Variants in CNTNAP2 observed in about 807,000 individuals in gnomAD.
CNTNAP2 encodes contactin associated protein 2.
CNTNAP2 carries 98 observed loss-of-function variants against 155.2 expected under a neutral mutation model. The observed-to-expected ratio is 0.63, with a 90% CI of 0.54 to 0.75. The LOEUF (loss-of-function observed/expected upper bound fraction) is 0.75, where lower values mean the gene tolerates loss of function less well. Among genes scored for constraint, CNTNAP2 ranks in the 30% least tolerant of loss-of-function variants. CNTNAP2 has a pLI of 0.00. For missense variants in CNTNAP2, 1,727 were observed against 1,688.1 expected (o/e 1.02, Z -0.40); for synonymous variants, 651 against 631.2 (o/e 1.03, Z -0.47).
chr7:148,024,172 A>AAAC (rs1802335049), intron 15 of CNTNAP2, among the ~76,000 whole-genome samples: 1 of 150,970 alleles, frequency 6.6e-6, no homozygotes, highest in Non-Finnish European at 1.5e-5. Context: ...AAAAAAAAAA[A>AAAC]AAAAAAACTT....
intron 5 of CNTNAP2, 73 bp from the exon 6 acceptor site, chr7:147,120,906 T>C (rs1038131814): frequency 1.8e-5 from 25 of 1,407,906 alleles, no homozygotes; most frequent in Non-Finnish European, 2.4e-5. Flanking sequence ...GTGCTGTAAA[T>C]GAAAGATCTT....
intron 1 of CNTNAP2, among the ~76,000 whole-genome samples, chr7:146,496,159 T>C (rs1797212273): frequency 6.6e-6 from 1 of 152,146 alleles, no homozygotes; most frequent in South Asian, 2.1e-4. Context: ...GAAGAAAACA[T>C]ACAGCCTTCT....
intron 2 of CNTNAP2, among the ~76,000 whole-genome samples, chr7:146,796,474 G>A (rs193262007): frequency 6.6e-6 from 1 of 152,240 alleles, no homozygotes. Flanking sequence ...TTTTTTGTCA[G>A]CTTCTCCTGG....
intron 4 of CNTNAP2, among the ~76,000 whole-genome samples, chr7:147,102,966 C>G (rs892213249): frequency 2.6e-5 from 4 of 152,164 alleles, no homozygotes; most frequent in Admixed American, 6.5e-5. Context: ...GTCTTTTCAT[C>G]TGACTATTGA....
chr7:148,187,939 C>T (rs945198040), intron 18 of CNTNAP2, among the ~76,000 whole-genome samples: 1 of 152,036 alleles, frequency 6.6e-6, no homozygotes, highest in African/African-American at 2.4e-5. Flanking sequence ...CCCAACTTCA[C>T]CCCCTACCCA....
intron 18 of CNTNAP2, among the ~76,000 whole-genome samples, chr7:148,206,467 A>C (rs1308483177): frequency 6.6e-6 from 1 of 152,106 alleles, no homozygotes; most frequent in Admixed American, 6.6e-5. Context: ...AATTATTTCA[A>C]GGTATATTGG....
intron 14 of CNTNAP2, among the ~76,000 whole-genome samples, chr7:147,961,039 T>C (rs1801112071): frequency 6.6e-6 from 1 of 152,124 alleles, no homozygotes; most frequent in African/African-American, 2.4e-5. Flanking sequence ...TATTCCCTTT[T>C]TGTAAAACGC....
chr7:146,283,678 T>A (rs1723428488), intron 1 of CNTNAP2, among the ~76,000 whole-genome samples: 1 of 152,234 alleles, frequency 6.6e-6, no homozygotes, highest in South Asian at 2.1e-4. Context: ...AACCTATTTT[T>A]AAAATTTTTA....
chr7:147,464,291 C>A (rs1336311822), intron 10 of CNTNAP2, among the ~76,000 whole-genome samples: 1 of 151,730 alleles, frequency 6.6e-6, no homozygotes, highest in African/African-American at 2.4e-5. Flanking sequence ...CATGGTGAAA[C>A]CCTGTCTCTA....
intron 1 of CNTNAP2, among the ~76,000 whole-genome samples, chr7:146,669,668 T>A (rs1426748798): frequency 6.6e-6 from 1 of 152,186 alleles, no homozygotes; most frequent in Non-Finnish European, 1.5e-5. Flanking sequence ...CAGTGCTATA[T>A]GGATCACACT....
rs138925926 is a variant in CNTNAP2 at position 147,021,116 on chromosome 7, G to A, written c.403-22791G>A. 3.5e-3 allele frequency among the ~76,000 whole-genome samples: 528 copies of A among 152,242 alleles called. 2 individuals are homozygous for A. Among genetic ancestry groups the A allele is most frequent in the African/African-American group, 0.012 (489 of 41,546 alleles). On this transcript the variant is annotated intron_variant, in intron 3 of 23. Coordinates refer to ENST00000361727, the MANE Select transcript of CNTNAP2 (RefSeq NM_014141.6). ...AACGAGCTTGTCCAGCCCAGGGTAC[G>A]CAGGCTGCATGCAGCCCAGGATGGT...
Position 147,237,216 on chromosome 7 carries a change from CCACCA to C in CNTNAP2, c.1349-62919_1349-62915del, listed in dbSNP as rs56775906. Among the ~76,000 whole-genome samples, 1,325 of 152,044 alleles carry C rather than the reference CCACCA, an allele frequency of 8.7e-3. 19 individuals are homozygous for C. Among genetic ancestry groups the C allele is most frequent in the African/African-American group, 0.031 (1,281 of 41,488 alleles). ...AAGTAGCTGGGACTACAGGCACATG[CCACCA>C]CACCAGGCTATTTATTATTTATTTT... On this transcript the variant is annotated intron_variant, in intron 8 of 23. Transcript: ENST00000361727.
intron 17 of CNTNAP2, among the ~76,000 whole-genome samples, chr7:148,148,835 A>AACAACC (rs1221407150): frequency 3.3e-5 from 5 of 152,266 alleles, no homozygotes; most frequent in Non-Finnish European, 5.9e-5. Flanking sequence ...ACTGACTTTT[A>AACAACC]ACAACCACAT....
chr7:146,352,713 T>G (rs952108808), intron 1 of CNTNAP2, among the ~76,000 whole-genome samples: 3 of 149,402 alleles, frequency 2.0e-5, no homozygotes, highest in African/African-American at 7.3e-5. Context: ...ATGAAATAGA[T>G]ATAGTCTTCT....
At chr7:146,685,186 A>T (rs1236733982) in intron 1 of CNTNAP2, among the ~76,000 whole-genome samples, 2 of 152,190 alleles carry the variant, frequency 1.3e-5, no homozygotes, top group Admixed American at 1.3e-4. Flanking sequence ...TTGACATAAA[A>T]GAATGACAAC....
intron 1 of CNTNAP2, among the ~76,000 whole-genome samples, chr7:146,350,845 A>T (rs1031613924): frequency 1.3e-5 from 2 of 152,082 alleles, no homozygotes; most frequent in African/African-American, 4.8e-5. Flanking sequence ...AATACTATGC[A>T]GCCATAAAAA....
At chr7:146,545,411 ATACACTTGTCACGGTGGTTGGCTG>A in intron 1 of CNTNAP2, among the ~76,000 whole-genome samples, 1 of 151,842 alleles carries the variant, frequency 6.6e-6, no homozygotes. Context: ...TTACATAGGT[ATACACTTGTCACGGTGGTTGGCTG>A]CACCCATCAA....
chr7:146,851,984 C>T (rs1020411938), intron 3 of CNTNAP2, among the ~76,000 whole-genome samples: 3 of 151,948 alleles, frequency 2.0e-5, no homozygotes, highest in African/African-American at 7.3e-5. Flanking sequence ...CTGTGGCTGG[C>T]CTTGTTTTTC....
At chr7:146,420,672 A>ATGTT (rs1238753905) in intron 1 of CNTNAP2, among the ~76,000 whole-genome samples, 4 of 152,094 alleles carry the variant, frequency 2.6e-5, no homozygotes, top group Non-Finnish European at 5.9e-5. Context: ...TTTCCATTAA[A>ATGTT]TGTTTGTATT....
Sources: allele counts gnomAD v4.1 joint callset (sites outside exome capture counted in the v4.1 genomes callset), GRCh38; gene constraint gnomAD v4.1.1; transcripts MANE v1.5; gene names NCBI Gene and HGNC (gene_info 2026-07-23, HGNC 2026-07-21).